SULT1C3: variants seen among roughly 807,000 people sequenced by gnomAD.
SULT1C3 encodes sulfotransferase 1C3.
SULT1C3 carries 31 observed loss-of-function variants against 28.4 expected under a neutral mutation model. The observed-to-expected ratio is 1.09, with a 90% CI of 0.82 to 1.47. SULT1C3 has a LOEUF of 1.47. Among genes scored for constraint, SULT1C3 ranks in the 40% most tolerant of loss-of-function variants. SULT1C3 has a pLI of 0.00. For synonymous variants in SULT1C3, 106 were observed against 92.2 expected (o/e 1.15, Z -0.86); for missense variants, 307 against 272.5 (o/e 1.13, Z -0.89).
intron 7 of SULT1C3, 122 bp from the exon 8 acceptor site, chr2:108,260,446 G>T (rs79597181): frequency 8.8e-6 from 3 of 341,484 alleles, no homozygotes; most frequent in African/African-American, 2.1e-5. Context: ...ACCAGAGGGA[G>T]TGGGACTGAG....
intron 1 of SULT1C3, among the ~76,000 whole-genome samples, chr2:108,241,806 A>G (rs1159244089): frequency 6.6e-6 from 1 of 152,044 alleles, no homozygotes; most frequent in Non-Finnish European, 1.5e-5. Flanking sequence ...GGGTGCCTGT[A>G]GTCCCAGCTA....
intron 5 of SULT1C3, 38 bp downstream of exon 5, chr2:108,255,736 GT>G: frequency 6.3e-7 from 1 of 1,596,676 alleles, no homozygotes. Context: ...CCTCTTTCAG[GT>G]GACTCTAACA....
At chr2:108,265,267 T>C (rs775706466), downstream of SULT1C3, 8 of 1,613,950 alleles carry the variant, frequency 5.0e-6, no homozygotes, top group East Asian at 8.9e-5. Flanking sequence ...AGAACTATTT[T>C]ACTGTGGCCC....
chr2:108,255,420 A>C, intron 4 of SULT1C3, 152 bp from the exon 5 acceptor site: 1 of 928,320 alleles, frequency 1.1e-6, no homozygotes, highest in Non-Finnish European at 1.5e-6. Context: ...AGTCAAAAAG[A>C]CTCCATTTAT....
rs941446894 is a variant in SULT1C3 at position 108,258,657 on chromosome 2, A to G, written c.527-77A>G. ...AACGATAGTTACAGAAGCTTATTTC[A>G]AAGGAGCACTAATTTACTTTATAGC... On this transcript the variant is annotated intron_variant, in intron 5 of 7. Coordinates refer to ENST00000681802, the MANE Select transcript of SULT1C3 (RefSeq NM_001320878.2). 2.5e-5 allele frequency: 26 copies of G among 1,023,142 alleles called. No homozygotes were observed. In the African/African-American group the frequency reaches 4.1e-4, roughly 16 times the overall value. 63.4% of individuals were successfully genotyped at this position (1,023,142 alleles called of 1,614,324 possible).
chr2:108,248,944 G>A (rs529725272), intron 2 of SULT1C3, among the ~76,000 whole-genome samples: 2 of 152,246 alleles, frequency 1.3e-5, no homozygotes, highest in Admixed American at 1.3e-4. Context: ...GAGAAAGTCT[G>A]AGAAATTTAA....
chr2:108,258,394 A>G (rs1675930151), intron 5 of SULT1C3, among the ~76,000 whole-genome samples: 1 of 152,118 alleles, frequency 6.6e-6, no homozygotes, highest in Non-Finnish European at 1.5e-5. Flanking sequence ...ATACAGGGAA[A>G]GCAGCAGGAG....
downstream of SULT1C3, chr2:108,264,964 C>T: frequency 6.2e-7 from 1 of 1,613,766 alleles, no homozygotes. Context: ...ACTTTGCCCA[C>T]CAGCATTATG....
intron 2 of SULT1C3, among the ~76,000 whole-genome samples, chr2:108,248,234 A>G (rs1340998248): frequency 1.3e-5 from 2 of 152,194 alleles, no homozygotes; most frequent in Admixed American, 6.6e-5. Context: ...ATCCAAAAGA[A>G]TGATCACTAA....
intron 4 of SULT1C3, 58 bp from the exon 5 acceptor site, chr2:108,255,514 G>A: frequency 6.3e-7 from 1 of 1,579,664 alleles, no homozygotes; most frequent in Non-Finnish European, 8.6e-7. Flanking sequence ...ACTCACTTGA[G>A]TATTTCATGT....
intron 5 of SULT1C3, among the ~76,000 whole-genome samples, chr2:108,257,626 T>C (rs1484855662): frequency 6.6e-6 from 1 of 152,088 alleles, no homozygotes; most frequent in Non-Finnish European, 1.5e-5. Flanking sequence ...TTCACATAGA[T>C]GTAAATATAT....
chr2:108,258,786 C>T lies in SULT1C3; in HGVS notation c.579C>T (p.Asp193=). 1.2e-6 allele frequency: 2 copies of T among 1,612,986 alleles called. 1 individual carries two copies. Among genetic ancestry groups the T allele is most frequent in the South Asian group, 2.2e-5 (2 of 90,946 alleles). Reference sequence around the variant, plus strand: ...TGAAAGGATGGTGGGCTGCAAAAGACATGCACCGGATCCTCTACCTCTTCT... The same window carrying T: ...TGAAAGGATGGTGGGCTGCAAAAGATATGCACCGGATCCTCTACCTCTTCT... ...DHVKGWWAAK[D]MHRILYLFYE... is the part of the protein sequence containing the mutation. The change falls in exon 6 of 8, where the codon GAC becomes GAT. Residue 193 remains aspartate (D), a synonymous_variant. Transcript: ENST00000681802.
At chr2:108,240,481 A>G (rs1225499889) in intron 1 of SULT1C3, among the ~76,000 whole-genome samples, 2 of 152,232 alleles carry the variant, frequency 1.3e-5, no homozygotes, top group African/African-American at 4.8e-5. Flanking sequence ...TTACCAAGAT[A>G]TAGAATTTCC....
At chr2:108,262,006 C>G (rs1676036613), downstream of SULT1C3, among the ~76,000 whole-genome samples, 1 of 152,090 alleles carries the variant, frequency 6.6e-6, no homozygotes, top group East Asian at 1.9e-4. Flanking sequence ...AGAGGGGACC[C>G]TGGGGTGAAA....
chr2:108,259,248 A>T, intron 7 of SULT1C3, 102 bp downstream of exon 7: 1 of 230,990 alleles, frequency 4.3e-6, no homozygotes, highest in South Asian at 6.0e-5. Context: ...GACTCATTTC[A>T]GTTAAATTTT....
chr2:108,264,906 C>T, downstream of SULT1C3: 1 of 1,613,906 alleles, frequency 6.2e-7, no homozygotes, highest in Non-Finnish European at 8.5e-7. Context: ...AATCATCTAT[C>T]ACACCTCCTT....
chr2:108,255,818 G>T, intron 5 of SULT1C3, 120 bp downstream of exon 5: 1 of 1,268,672 alleles, frequency 7.9e-7, no homozygotes, highest in Non-Finnish European at 1.0e-6. Flanking sequence ...CTATCTTGAT[G>T]ATCTGGGACT....
At chr2:108,257,541 TC>T (rs1207238716) in intron 5 of SULT1C3, among the ~76,000 whole-genome samples, 1 of 152,010 alleles carries the variant, frequency 6.6e-6, no homozygotes, top group Non-Finnish European at 1.5e-5. Flanking sequence ...GCAGTTTTAG[TC>T]ACCCACAATC....
chr2:108,253,492 A>G, intron 4 of SULT1C3, 50 bp downstream of exon 4: 1 of 934,886 alleles, frequency 1.1e-6, no homozygotes, highest in African/African-American at 1.7e-5. Context: ...GATATAAACT[A>G]TACAACTGAA....
Sources: gnomAD v4.1 joint callset for allele counts (sites outside exome capture counted in the v4.1 genomes callset) on GRCh38, gnomAD v4.1.1 for gene constraint, MANE v1.5 for transcripts, NCBI Gene and HGNC (gene_info 2026-07-23, HGNC 2026-07-21) for gene names.